Variants in ABTB2 observed in about 807,000 individuals in gnomAD.
The protein encoded by ABTB2 is ankyrin repeat and BTB/POZ domain-containing protein 2.
In ABTB2, 56 loss-of-function variants were observed where a neutral mutation model predicts 104.1. The observed-to-expected ratio is 0.54, with a 90% CI of 0.43 to 0.67. The LOEUF (loss-of-function observed/expected upper bound fraction) is 0.67. Ranked by LOEUF, ABTB2 falls within the 30% of genes least tolerant of loss-of-function variation. The pLI is 0.00. For missense variants in ABTB2, 1,279 were observed against 1,407.7 expected, an observed-to-expected ratio of 0.91 and a Z score of 1.46; for synonymous variants, 606 against 608.2, an observed-to-expected ratio of 1.00 and a Z score of 0.05.
chr11:34,351,729 C>T (rs571611870), intron 1 of ABTB2, among the ~76,000 whole-genome samples: 54 of 152,216 alleles, frequency 3.5e-4, no homozygotes, highest in African/African-American at 1.3e-3. Context: ...ACAGCAATGC[C>T]TATGAAGTGC....
At chr11:34,160,107 A>G in intron 12 of ABTB2, 99 bp from the exon 13 acceptor site, 1 of 1,266,068 alleles carries the variant, frequency 7.9e-7, no homozygotes, top group Non-Finnish European at 1.1e-6. Flanking sequence ...TGGGGGTGGG[A>G]CACAGAGGTG....
chr11:34,335,206 G>C (rs772524162), intron 1 of ABTB2: 79 of 1,269,166 alleles, frequency 6.2e-5, no homozygotes, highest in Non-Finnish European at 9.0e-5. Flanking sequence ...CAGAGACTAT[G>C]ACGAATCACT....
intron 1 of ABTB2, among the ~76,000 whole-genome samples, chr11:34,258,071 G>T (rs950789190): frequency 2.6e-5 from 4 of 152,110 alleles, no homozygotes; most frequent in Admixed American, 6.5e-5. Context: ...CCTTCAGGCA[G>T]TTCTCTAATG....
intron 3 of ABTB2, among the ~76,000 whole-genome samples, chr11:34,192,303 C>A (rs1008634716): frequency 2.0e-5 from 3 of 152,118 alleles, no homozygotes; most frequent in Non-Finnish European, 4.4e-5. Flanking sequence ...CAAGAAAACC[C>A]CCCAAATATG....
chr11:34,332,891 G>C (rs536554726), intron 1 of ABTB2, among the ~76,000 whole-genome samples: 25 of 152,244 alleles, frequency 1.6e-4, no homozygotes, highest in African/African-American at 6.0e-4. Context: ...ACAGGACATG[G>C]AAGGAAATGG....
At chr11:34,342,582 A>G (rs1190716173) in intron 1 of ABTB2, among the ~76,000 whole-genome samples, 1 of 152,226 alleles carries the variant, frequency 6.6e-6, no homozygotes, top group Non-Finnish European at 1.5e-5. Context: ...TGGGAGTAAG[A>G]GTATATATGA....
chr11:34,191,065 T>C (rs896366902), intron 3 of ABTB2, among the ~76,000 whole-genome samples: 1 of 152,204 alleles, frequency 6.6e-6, no homozygotes, highest in Non-Finnish European at 1.5e-5. Context: ...ATAACACCTC[T>C]GGGATGACCC....
In ABTB2 at chr11:34,220,180, G is replaced by A. The variant is rs80126025; in HGVS notation, c.884-15490C>T. 6.2e-3 allele frequency among the ~76,000 whole-genome samples: 946 copies of A among 152,296 alleles called. 12 individuals are homozygous for A. The highest frequency in any genetic ancestry group is 0.021 in the African/African-American group (872 of 41,554). On this transcript the variant is annotated intron_variant, in intron 1 of 16. Transcript: ENST00000435224. Reference sequence around the variant, plus strand: ...TCACTATGTCATTCCCAGCATCTTGGAGGACACTATGATCTTTCCCTGCAA... The same window carrying A: ...TCACTATGTCATTCCCAGCATCTTGAAGGACACTATGATCTTTCCCTGCAA...
chr11:34,298,948 C>A (rs1854662638), intron 1 of ABTB2, among the ~76,000 whole-genome samples: 1 of 152,140 alleles, frequency 6.6e-6, no homozygotes, highest in African/African-American at 2.4e-5. Context: ...TTTCAAATTC[C>A]AGCCCTTGAA....
chr11:34,180,387 G>A (rs1388708837), intron 3 of ABTB2, among the ~76,000 whole-genome samples: 1 of 152,240 alleles, frequency 6.6e-6, no homozygotes, highest in Non-Finnish European at 1.5e-5. Flanking sequence ...GTGGTGGCGA[G>A]GGTGGGTGAG....
At chr11:34,237,094 C>T (rs531663210) in intron 1 of ABTB2, among the ~76,000 whole-genome samples, 22 of 152,114 alleles carry the variant, frequency 1.4e-4, no homozygotes, top group African/African-American at 4.8e-4. Context: ...GACAAGTTAC[C>T]GAACCCCTCT....
chr11:34,297,787 A>T (rs1337046492), intron 1 of ABTB2, among the ~76,000 whole-genome samples: 2 of 97,524 alleles, frequency 2.1e-5, no homozygotes, highest in Non-Finnish European at 3.9e-5. Flanking sequence ...AAAAAAAATA[A>T]AAATAAAGGA....
intron 3 of ABTB2, among the ~76,000 whole-genome samples, chr11:34,185,717 T>C (rs1413810090): frequency 6.6e-6 from 1 of 151,962 alleles, no homozygotes; most frequent in Non-Finnish European, 1.5e-5. Flanking sequence ...AGGTACAAAG[T>C]TGTAGTTAGA....
chr11:34,260,437 C>T (rs780844927), intron 1 of ABTB2, among the ~76,000 whole-genome samples: 5 of 152,192 alleles, frequency 3.3e-5, no homozygotes, highest in Admixed American at 6.5e-5. Context: ...CCGCTGATCA[C>T]GGTGTAATTC....
rs528921111 is a variant in ABTB2, at chr11:34,176,873, C to A, written c.1245-3566G>T. 5.3e-5 allele frequency among the ~76,000 whole-genome samples: 8 copies of A among 152,290 alleles called. No homozygotes were observed. The South Asian group carries it at 1.7e-3, about 32-fold the overall frequency. On this transcript the variant is annotated intron_variant, in intron 3 of 16. Coordinates refer to ENST00000435224, the MANE Select transcript of ABTB2 (RefSeq NM_145804.3). ...TCTTGTGTAGTCTAGGAAGAAACAA[C>A]AATCTATTCATGAATTATCCCTCTG...
intron 1 of ABTB2, among the ~76,000 whole-genome samples, chr11:34,205,109 C>T (rs979011557): frequency 2.0e-5 from 3 of 152,184 alleles, no homozygotes; most frequent in African/African-American, 7.2e-5. Flanking sequence ...AGGTATTGTG[C>T]TATACTTAGG....
At chr11:34,338,212 C>G (rs1855216362) in intron 1 of ABTB2, among the ~76,000 whole-genome samples, 1 of 151,600 alleles carries the variant, frequency 6.6e-6, no homozygotes, top group Non-Finnish European at 1.5e-5. Context: ...GAAACCCTGT[C>G]TCCATGAAAA....
intron 9 of ABTB2, 26 bp downstream of exon 9, chr11:34,164,660 A>G (rs773100236): frequency 6.8e-7 from 1 of 1,470,318 alleles, no homozygotes; most frequent in East Asian, 2.7e-5. Flanking sequence ...CTCATGTCAC[A>G]CAGGGTGGGA....
Position 34,165,320 on chromosome 11 carries a change from C to A in ABTB2, c.1792G>T (p.Ala598Ser). 2 of 1,585,240 alleles carry A rather than the reference C, an allele frequency of 1.3e-6. No homozygotes were observed. The highest frequency in any genetic ancestry group is 1.3e-5 in the African/African-American group (1 of 74,232). Residue 598 changes from alanine to serine, a missense_variant, in exon 8 of 17, where the codon GCA (alanine) becomes TCA (serine). Physicochemically the swap from Ala to Ser is moderately conservative, Grantham distance 99. Coordinates refer to ENST00000435224, the MANE Select transcript of ABTB2 (RefSeq NM_145804.3). ...LDAGAHVEGS[A>S]VNGGEDSYAE... ...TAGCTGTCCTCGCCGCCGTTCACTG[C>A]CGAGCCCTCGACATGGGCACCAGCA...
Sources: gnomAD v4.1 joint callset for allele counts (sites outside exome capture counted in the v4.1 genomes callset) on GRCh38, gnomAD v4.1.1 for gene constraint, MANE v1.5 for transcripts, NCBI Gene and HGNC (gene_info 2026-07-23, HGNC 2026-07-21) for gene names.